CTNNBIP1: variants seen among roughly 807,000 people sequenced by gnomAD.
The protein encoded by CTNNBIP1 is catenin beta interacting protein 1.
A neutral mutation model predicts 11.8 loss-of-function variants in CTNNBIP1; 7 were observed. The observed-to-expected ratio is 0.60, with a 90% CI of 0.34 to 1.12. The LOEUF (loss-of-function observed/expected upper bound fraction) is 1.12, where lower values mean the gene tolerates loss of function less well. Among genes scored for constraint, CTNNBIP1 ranks in the 50% most tolerant of loss-of-function variants. The pLI is 0.03. For missense variants in CTNNBIP1, 101 were observed against 113.4 expected (o/e 0.89, Z 0.50); for synonymous variants, 58 against 43.9 (o/e 1.32, Z -1.26).
intron 5 of CTNNBIP1, among the ~76,000 whole-genome samples, chr1:9,857,353 G>T (rs190751063): frequency 6.6e-6 from 1 of 150,828 alleles, no homozygotes; most frequent in Admixed American, 6.6e-5. Flanking sequence ...GGTGGCGGGC[G>T]CCTGTAGTCC....
At chr1:9,854,388 CCACT>C (rs1638460118) in intron 5 of CTNNBIP1, among the ~76,000 whole-genome samples, 1 of 147,850 alleles carries the variant, frequency 6.8e-6, no homozygotes, top group South Asian at 2.1e-4. Context: ...AAAAAAAAAC[CCACT>C]CAACAAACTA....
intron 1 of CTNNBIP1, among the ~76,000 whole-genome samples, chr1:9,897,269 A>G (rs566481783): frequency 4.6e-5 from 7 of 151,882 alleles, no homozygotes; most frequent in Non-Finnish European, 7.4e-5. Context: ...CCTGGCTAAC[A>G]TGGTGAAACC....
chr1:9,903,726 A>T (rs1012504743), intron 1 of CTNNBIP1, among the ~76,000 whole-genome samples: 2 of 152,236 alleles, frequency 1.3e-5, no homozygotes, highest in Non-Finnish European at 2.9e-5. Flanking sequence ...TAGCTTGCCC[A>T]GGGTCAGACA....
At chr1:9,902,289 T>C (rs1639537171) in intron 1 of CTNNBIP1, among the ~76,000 whole-genome samples, 1 of 152,284 alleles carries the variant, frequency 6.6e-6, no homozygotes, top group East Asian at 1.9e-4. Flanking sequence ...GTCTGGCGCC[T>C]GTTACATAAG....
chr1:9,882,918 G>A (rs1305682804), intron 2 of CTNNBIP1, among the ~76,000 whole-genome samples: 1 of 152,198 alleles, frequency 6.6e-6, no homozygotes, highest in Admixed American at 6.5e-5. Flanking sequence ...GGCCAGAATC[G>A]AAACACGGTG....
intron 1 of CTNNBIP1, among the ~76,000 whole-genome samples, chr1:9,900,510 G>A (rs1251865869): frequency 6.6e-6 from 1 of 152,206 alleles, no homozygotes; most frequent in Admixed American, 6.5e-5. Flanking sequence ...ACCACTCATG[G>A]ACCTAACAGG....
chr1:9,898,066 G>C (rs1430756242), intron 1 of CTNNBIP1, among the ~76,000 whole-genome samples: 1 of 151,032 alleles, frequency 6.6e-6, no homozygotes, highest in Non-Finnish European at 1.5e-5. Flanking sequence ...AGTGAGCTGA[G>C]ATCGCACCAC....
chr1:9,909,894 G>C (rs1639700748), intron 1 of CTNNBIP1, among the ~76,000 whole-genome samples: 2 of 152,078 alleles, frequency 1.3e-5, no homozygotes, highest in African/African-American at 4.8e-5. Flanking sequence ...GAGTCAGGGA[G>C]GCGGGAGGTG....
At chr1:9,870,725 T>C (rs1638843157) in intron 5 of CTNNBIP1, among the ~76,000 whole-genome samples, 2 of 152,178 alleles carry the variant, frequency 1.3e-5, no homozygotes, top group Admixed American at 6.5e-5. Flanking sequence ...GCATTCCTCC[T>C]GGCCACAGCC....
chr1:9,883,032 C>T lies in CTNNBIP1; in HGVS notation c.-110+673G>A, dbSNP rs1051849602. 6.6e-6 allele frequency among the ~76,000 whole-genome samples: 1 copy of T among 152,156 alleles called. No homozygotes were observed. The highest frequency in any genetic ancestry group is 1.9e-4 in the East Asian group (1 of 5,196). ...AAAACACGTGCAAGCACGGGTGGGGCAGCCGCAGGGCAGGGGGCTCCTTCT... is the reference window on the plus strand; with the variant it reads ...AAAACACGTGCAAGCACGGGTGGGGTAGCCGCAGGGCAGGGGGCTCCTTCT... On this transcript the variant is annotated intron_variant, in intron 2 of 5. Transcript: ENST00000377263. The surrounding 1 kb of genome is among the most constrained non-coding windows in gnomAD (Gnocchi z 5.6).
chr1:9,896,945 C>T (rs924073623), intron 1 of CTNNBIP1, among the ~76,000 whole-genome samples: 2 of 149,664 alleles, frequency 1.3e-5, no homozygotes, highest in South Asian at 2.1e-4. Flanking sequence ...CCAGCCTGGG[C>T]GACAGAGTGA....
intron 1 of CTNNBIP1, among the ~76,000 whole-genome samples, chr1:9,888,060 G>C (rs1055422631): frequency 2.0e-5 from 3 of 151,680 alleles, no homozygotes; most frequent in Non-Finnish European, 4.4e-5. Flanking sequence ...CTAACCTCAA[G>C]TGATCCACCT....
intron 1 of CTNNBIP1, among the ~76,000 whole-genome samples, chr1:9,895,529 C>A (rs564363194): frequency 6.7e-6 from 1 of 148,552 alleles, no homozygotes; most frequent in East Asian, 2.0e-4. Flanking sequence ...TGGAGTCTTG[C>A]TCTGTCGCCA....
chr1:9,850,765 C>A lies in CTNNBIP1; in HGVS notation c.199G>T (p.Val67Leu), dbSNP rs548974391. 1 of 1,613,900 alleles carries A rather than the reference C, an allele frequency of 6.2e-7. No individual in the cohort carries two copies. Among genetic ancestry groups the A allele is most frequent in the Admixed American group, 1.7e-5 (1 of 60,022 alleles). Residue 67 changes from valine to leucine, a missense_variant, in exon 6 of 6, where the codon GTG (valine) becomes TTG (leucine). Transcript: ENST00000377263. ...PHSIDQGAED[V>L]VMAFSRSETE... ...TCCGACCTGGAAAACGCCATCACCA[C>A]GTCCTCTGCACCTGCAGATAAGGCG... is the stretch of plus-strand genomic sequence containing the variant.
At chr1:9,888,025 T>C (rs2101520947) in intron 1 of CTNNBIP1, among the ~76,000 whole-genome samples, 1 of 151,678 alleles carries the variant, frequency 6.6e-6, no homozygotes, top group Non-Finnish European at 1.5e-5. Context: ...GGTTTCACCA[T>C]GTTGGCTAGG....
intron 1 of CTNNBIP1, among the ~76,000 whole-genome samples, chr1:9,885,151 G>T (rs778582957): frequency 4.6e-5 from 7 of 152,184 alleles, no homozygotes; most frequent in Non-Finnish European, 8.8e-5. Flanking sequence ...GTTCAAGGCA[G>T]CCAGCTGGGG....
rs548974391 is a variant in CTNNBIP1, at chr1:9,850,765, C to T, written c.199G>A (p.Val67Met). 1 of 1,613,900 alleles carries T rather than the reference C, an allele frequency of 6.2e-7. No individual in the cohort carries two copies. Among genetic ancestry groups the T allele is most frequent in the Non-Finnish European group, 8.5e-7 (1 of 1,179,864 alleles). ...PHSIDQGAED[V>M]VMAFSRSETE... is the part of the protein sequence containing the mutation. ...TCCGACCTGGAAAACGCCATCACCA[C>T]GTCCTCTGCACCTGCAGATAAGGCG... The change falls in exon 6 of 6, where the codon GTG becomes ATG. Residue 67 changes from valine to methionine, a missense_variant. By Grantham distance (21) the Val-to-Met change is conservative. Transcript: ENST00000377263.
intron 5 of CTNNBIP1, among the ~76,000 whole-genome samples, chr1:9,855,725 CTTTTT>C (rs528824089): frequency 7.5e-6 from 1 of 133,762 alleles, no homozygotes; most frequent in African/African-American, 2.7e-5. Flanking sequence ...TTAGGAAATG[CTTTTT>C]TTTTTTTTTT....
At chr1:9,892,420 T>TAAA (rs764342054) in intron 1 of CTNNBIP1, among the ~76,000 whole-genome samples, 31 of 112,320 alleles carry the variant, frequency 2.8e-4, no homozygotes, top group African/African-American at 9.7e-4. Context: ...AGACTCCGTC[T>TAAA]AAAAAAAAAA....
Sources: gnomAD v4.1 joint callset for allele counts (sites outside exome capture counted in the v4.1 genomes callset) on GRCh38, gnomAD v4.1.1 for gene constraint, Gnocchi (gnomAD v3.1) non-coding constraint, MANE v1.5 for transcripts, NCBI Gene and HGNC (gene_info 2026-07-23, HGNC 2026-07-21) for gene names.